GRIN2A: variants seen among roughly 807,000 people sequenced by gnomAD.
The protein encoded by GRIN2A is glutamate ionotropic receptor NMDA type subunit 2A.
GRIN2A carries 22 observed loss-of-function variants against 113.4 expected under a neutral mutation model. That is an observed-to-expected ratio of 0.19 (90% CI 0.14 to 0.28). The LOEUF (loss-of-function observed/expected upper bound fraction) is 0.28. Ranked by LOEUF, GRIN2A falls within the 10% of genes least tolerant of loss-of-function variation. The pLI is 1.00. For missense variants in GRIN2A, 1,502 were observed against 1,887.0 expected (o/e 0.80, Z 3.78); for synonymous variants, 827 against 738.4 (o/e 1.12, Z -1.94).
chr16:9,803,815 AC>A (rs1349473474), intron 10 of GRIN2A, among the ~76,000 whole-genome samples: 1 of 152,212 alleles, frequency 6.6e-6, no homozygotes, highest in Non-Finnish European at 1.5e-5. Context: ...AAGACCACTG[AC>A]ATAACCACTG....
chr16:9,807,690 T>A (rs1222588566), intron 10 of GRIN2A, among the ~76,000 whole-genome samples: 2 of 152,080 alleles, frequency 1.3e-5, no homozygotes, highest in Non-Finnish European at 2.9e-5. Flanking sequence ...TCCGCCCAAT[T>A]TTTCCAGACC....
Position 9,954,919 on chromosome 16 carries a change from A to G in GRIN2A, c.415-16368T>C, listed in dbSNP as rs115618098. 3.7e-3 allele frequency among the ~76,000 whole-genome samples: 562 copies of G among 152,258 alleles called. 5 individuals carry two copies. The highest frequency in any genetic ancestry group is 0.013 in the African/African-American group (520 of 41,564). On this transcript the variant is annotated intron_variant, in intron 2 of 12. Coordinates refer to ENST00000330684, the MANE Select transcript of GRIN2A (RefSeq NM_001134407.3). ...TCATTATGTTGAGTGGTAAGTTTGT[A>G]CCAAGTGGCGTTAGGCTTACTCCAC... is the stretch of plus-strand genomic sequence containing the variant.
At chr16:9,804,437 T>G (rs1596440191) in intron 10 of GRIN2A, among the ~76,000 whole-genome samples, 1 of 152,142 alleles carries the variant, frequency 6.6e-6, no homozygotes, top group African/African-American at 2.4e-5. Flanking sequence ...GCTTGGTGCA[T>G]GTTCTCTTCC....
chr16:10,178,928 C>T (rs2050204631), intron 2 of GRIN2A, among the ~76,000 whole-genome samples: 1 of 152,258 alleles, frequency 6.6e-6, no homozygotes, highest in Non-Finnish European at 1.5e-5. Context: ...CTTACTCTTT[C>T]CTCGCCTTCT....
chr16:10,007,110 C>G (rs954016233), intron 2 of GRIN2A, among the ~76,000 whole-genome samples: 3 of 152,216 alleles, frequency 2.0e-5, no homozygotes, highest in African/African-American at 7.2e-5. Context: ...GCAGATATCT[C>G]TTCAATATAC....
intron 2 of GRIN2A, among the ~76,000 whole-genome samples, chr16:10,130,374 T>A (rs1596537113): frequency 1.3e-5 from 2 of 152,210 alleles, no homozygotes; most frequent in South Asian, 4.1e-4. Context: ...TGTAGAATCT[T>A]AGAATTAATA....
At chr16:10,121,538 C>A (rs1438819379) in intron 2 of GRIN2A, 1 of 152,140 alleles carries the variant, frequency 6.6e-6, no homozygotes, top group Non-Finnish European at 1.5e-5. Context: ...TCAGGCAGGT[C>A]TCAAGAAACA....
rs151168224 is a variant in GRIN2A, at chr16:9,800,042, T to G, written c.2169-1578A>C. 7.9e-3 allele frequency among the ~76,000 whole-genome samples: 1,209 copies of G among 152,132 alleles called. 21 individuals are homozygous for G. Among genetic ancestry groups the G allele is most frequent in the African/African-American group, 0.027 (1,137 of 41,486 alleles). Reference sequence around the variant, plus strand: ...CAGGCTGGAGTGCAATGGTGCGATCTCAGCTCACTGCAACCTCCACCTCCT... The same window carrying G: ...CAGGCTGGAGTGCAATGGTGCGATCGCAGCTCACTGCAACCTCCACCTCCT... On this transcript the variant is annotated intron_variant, in intron 10 of 12. Coordinates refer to ENST00000330684, the MANE Select transcript of GRIN2A (RefSeq NM_001134407.3).
Position 10,078,788 on chromosome 16 carries a change from C to T in GRIN2A, c.414+101210G>A, listed in dbSNP as rs115503752. ...TGGGGAGCTGATGTCACCACTACCCCCTCCGAAGCCCATCCATGGGGCACA... is the reference window on the plus strand; with the variant it reads ...TGGGGAGCTGATGTCACCACTACCCTCTCCGAAGCCCATCCATGGGGCACA... On this transcript the variant is annotated intron_variant, in intron 2 of 12. Transcript: ENST00000330684. Among the ~76,000 whole-genome samples the T allele has an allele frequency of 4.3e-3, 652 of 152,304 alleles. 3 individuals are homozygous for T. Among genetic ancestry groups the T allele is most frequent in the African/African-American group, 0.015 (618 of 41,562 alleles).
At chr16:10,023,143 G>A (rs745719089) in intron 2 of GRIN2A, among the ~76,000 whole-genome samples, 18 of 152,130 alleles carry the variant, frequency 1.2e-4, no homozygotes, top group Admixed American at 2.0e-4. Context: ...GGTAGATTCC[G>A]ACTGAGTCCA....
chr16:10,156,432 G>A (rs1213746607), intron 2 of GRIN2A, among the ~76,000 whole-genome samples: 2 of 152,262 alleles, frequency 1.3e-5, no homozygotes, highest in African/African-American at 4.8e-5. Context: ...CAGAGGCAGT[G>A]TGGCTATAGC....
chr16:10,140,233 C>T (rs533727096), intron 2 of GRIN2A, among the ~76,000 whole-genome samples: 128 of 152,120 alleles, frequency 8.4e-4, no homozygotes, highest in Non-Finnish European at 1.4e-3. Flanking sequence ...TAAATAAAAT[C>T]GATTAGTACT....
intron 2 of GRIN2A, among the ~76,000 whole-genome samples, chr16:9,965,259 C>G (rs1760700902): frequency 6.6e-6 from 1 of 152,186 alleles, no homozygotes; most frequent in Admixed American, 6.5e-5. Context: ...CTCTCCTAAC[C>G]CTCTGTGCCG....
intron 2 of GRIN2A, among the ~76,000 whole-genome samples, chr16:10,011,175 A>T (rs1356837258): frequency 6.6e-6 from 1 of 152,230 alleles, no homozygotes; most frequent in African/African-American, 2.4e-5. Flanking sequence ...TGCATTTTGA[A>T]GATGGCTCTT....
chr16:9,764,129 C>T lies in GRIN2A; in HGVS notation c.3415G>A (p.Val1139Met), dbSNP rs2141132515. ...AAGTCCACGTTCTCGGGCAGGGTCA[C>T]ATTTTCAACAAACTGGGGTGGATCT... ...HLDPPQFVEN[V>M]TLPENVDFPD... The change falls in exon 13 of 13, where the codon GTG (valine) becomes ATG (methionine). Residue 1139 changes from valine to methionine, a missense_variant. Val to Met is a conservative substitution (Grantham distance 21). Coordinates refer to ENST00000330684, the MANE Select transcript of GRIN2A (RefSeq NM_001134407.3). 1.2e-6 allele frequency: 2 copies of T among 1,613,698 alleles called. No homozygotes were observed. The highest frequency in any genetic ancestry group is 1.7e-6 in the Non-Finnish European group (2 of 1,179,674).
At chr16:10,112,271 G>T in intron 2 of GRIN2A, 1 of 641,938 alleles carries the variant, frequency 1.6e-6, no homozygotes, top group Non-Finnish European at 2.8e-6. Context: ...TCCACCTCCA[G>T]GTGATTGGGA....
intron 4 of GRIN2A, among the ~76,000 whole-genome samples, chr16:9,865,492 A>G (rs1355312244): frequency 6.6e-6 from 1 of 152,208 alleles, no homozygotes; most frequent in Admixed American, 6.5e-5. Flanking sequence ...TTGGAGTTGG[A>G]AGACCCAAGT....
chr16:9,994,507 C>T (rs373256313), intron 2 of GRIN2A, among the ~76,000 whole-genome samples: 26 of 152,228 alleles, frequency 1.7e-4, no homozygotes, highest in African/African-American at 4.3e-4. Context: ...TTGACGTCCC[C>T]GAGATGTTAA....
chr16:10,121,643 C>T (rs2048834901), intron 2 of GRIN2A: 1 of 152,104 alleles, frequency 6.6e-6, no homozygotes, highest in Non-Finnish European at 1.5e-5. Context: ...TGGGTGCAGC[C>T]ACATATCATG....
Sources: gnomAD v4.1 joint callset for allele counts (sites outside exome capture counted in the v4.1 genomes callset) on GRCh38, gnomAD v4.1.1 for gene constraint, MANE v1.5 for transcripts, NCBI Gene and HGNC (gene_info 2026-07-23, HGNC 2026-07-21) for gene names.